The following LY6S variants were observed in gnomAD, a reference collection of about 807,000 sequenced individuals.
LY6S encodes the protein lymphocyte antigen 6S.
At chr8:143,067,214 G>A in the LY6S span, among the ~76,000 whole-genome samples, 1 of 152,210 alleles carries the variant, frequency 6.6e-6, no homozygotes, top group African/African-American at 2.4e-5. Flanking sequence ...ACGTAGAAAA[G>A]GAAGACATAA....
At chr8:143,052,210 G>A in the LY6S span, among the ~76,000 whole-genome samples, 8 of 152,110 alleles carry the variant, frequency 5.3e-5, no homozygotes, top group African/African-American at 1.7e-4. Context: ...GAACCCGGGA[G>A]GCAGAGCTTG....
chr8:143,070,472 T>TA, the LY6S span, among the ~76,000 whole-genome samples: 4 of 39,950 alleles, frequency 1.0e-4, no homozygotes, highest in Non-Finnish European at 2.0e-4. Flanking sequence ...ATAATATATA[T>TA]ATAAATATAT....
the LY6S span, among the ~76,000 whole-genome samples, chr8:143,070,372 T>C: frequency 1.3e-3 from 160 of 127,042 alleles, 2 homozygotes; most frequent in African/African-American, 4.8e-3. Flanking sequence ...CTGATATATA[T>C]ATATAAATAT....
chr8:143,046,012 C>T, the LY6S span, among the ~76,000 whole-genome samples: 2 of 152,126 alleles, frequency 1.3e-5, no homozygotes, highest in Non-Finnish European at 2.9e-5. Context: ...CACCACCACA[C>T]CCAGTTAATT....
At chr8:143,062,034 G>T in the LY6S span, among the ~76,000 whole-genome samples, 2 of 152,108 alleles carry the variant, frequency 1.3e-5, no homozygotes, top group Non-Finnish European at 2.9e-5. Flanking sequence ...GCTCAGCCAG[G>T]CAATTAATCT....
the LY6S span, among the ~76,000 whole-genome samples, chr8:143,073,331 CG>C: frequency 7.4e-6 from 1 of 136,010 alleles, no homozygotes; most frequent in South Asian, 2.3e-4. Context: ...CCGTCATCCT[CG>C]GGGTTCCTGT....
chr8:143,051,103 T>A, the LY6S span, among the ~76,000 whole-genome samples: 1 of 152,320 alleles, frequency 6.6e-6, no homozygotes, highest in Non-Finnish European at 1.5e-5. Flanking sequence ...TGGCAGCCCT[T>A]CACTGCCTGG....
chr8:143,041,417 AG>A, the LY6S span, among the ~76,000 whole-genome samples: 1 of 152,214 alleles, frequency 6.6e-6, no homozygotes, highest in African/African-American at 2.4e-5. Flanking sequence ...CCAGAGTTTA[AG>A]GTGATCTCTC....
the LY6S span, among the ~76,000 whole-genome samples, chr8:143,076,024 GA>G: frequency 2.0e-5 from 3 of 151,786 alleles, no homozygotes; most frequent in Non-Finnish European, 4.4e-5. Context: ...CTGTTGCCTT[GA>G]AAAAAAATGA....
chr8:143,062,080 A>G, the LY6S span, among the ~76,000 whole-genome samples: 2 of 152,362 alleles, frequency 1.3e-5, no homozygotes, highest in Admixed American at 1.3e-4. Context: ...GTTGGAAAGA[A>G]ATAAATGCAA....
the LY6S span, chr8:143,057,816 T>C: frequency 3.5e-5 from 27 of 766,434 alleles, no homozygotes; most frequent in Admixed American, 4.5e-4. Context: ...ACAGCTAGAC[T>C]GGGTGAGACT....
At chr8:143,049,632 C>T in the LY6S span, among the ~76,000 whole-genome samples, 1 of 152,242 alleles carries the variant, frequency 6.6e-6, no homozygotes. Flanking sequence ...CTCAGGGCTC[C>T]ACACCTCCTT....
chr8:143,043,171 C>A, the LY6S span: 1 of 1,367,880 alleles, frequency 7.3e-7, no homozygotes, highest in Admixed American at 1.9e-5. Flanking sequence ...AGGAGCTGTA[C>A]GCACAGGGCC....
the LY6S span, among the ~76,000 whole-genome samples, chr8:143,048,618 C>A: frequency 6.6e-6 from 1 of 151,974 alleles, no homozygotes; most frequent in African/African-American, 2.4e-5. Context: ...CAGGGGTCTG[C>A]CACCACGCCC....
chr8:143,055,863 T>G, the LY6S span, among the ~76,000 whole-genome samples: 2 of 152,252 alleles, frequency 1.3e-5, no homozygotes, highest in African/African-American at 4.8e-5. Flanking sequence ...ACGACGCCAA[T>G]AGAGTTCTTT....
the LY6S span, among the ~76,000 whole-genome samples, chr8:143,063,740 T>A: frequency 1.3e-5 from 2 of 152,232 alleles, no homozygotes; most frequent in Non-Finnish European, 2.9e-5. Context: ...TCCAGCAGTC[T>A]GCACTTTTAC....
chr8:143,055,970 C>T, the LY6S span, among the ~76,000 whole-genome samples: 2 of 151,926 alleles, frequency 1.3e-5, no homozygotes, highest in African/African-American at 4.8e-5. Context: ...TTTCCTGGTC[C>T]TTGTTAACCT....
At chr8:143,043,031 C>A in the LY6S span, 2 of 1,367,868 alleles carry the variant, frequency 1.5e-6, no homozygotes, top group Non-Finnish European at 2.0e-6. Context: ...AGAATTCCTG[C>A]AATTCAGTGA....
At chr8:143,053,923 T>C in the LY6S span, 1 of 152,242 alleles carries the variant, frequency 6.6e-6, no homozygotes, top group Non-Finnish European at 1.5e-5. Context: ...CTAGGACGTC[T>C]GGTTTCTGCT....
Sources: allele counts gnomAD v4.1 joint callset (sites outside exome capture counted in the v4.1 genomes callset), GRCh38; gene constraint gnomAD v4.1.1; transcripts MANE v1.5; gene names NCBI Gene and HGNC (gene_info 2026-07-23, HGNC 2026-07-21).